Variants in NALCN observed in about 807,000 individuals in gnomAD.
The protein encoded by NALCN is sodium leak channel NALCN.
In NALCN, 111 loss-of-function variants were observed where a neutral mutation model predicts 225.3. The ratio of observed to expected loss-of-function variants is 0.49; its 90% CI spans 0.42 to 0.58. The LOEUF is 0.58. Ranked by LOEUF, NALCN falls within the 20% of genes least tolerant of loss-of-function variation. The pLI is 0.00. For missense variants in NALCN, 1,378 were observed against 2,202.4 expected (o/e 0.63, Z 7.49); for synonymous variants, 764 against 769.0 (o/e 0.99, Z 0.11).
intron 10 of NALCN, among the ~76,000 whole-genome samples, chr13:101,271,081 T>C (rs1376940509): frequency 2.0e-5 from 3 of 152,304 alleles, no homozygotes; most frequent in Admixed American, 6.5e-5. Context: ...GAATTTAGTT[T>C]GAGATAATGT....
At chr13:101,326,020 GT>G (rs1201604913) in intron 7 of NALCN, among the ~76,000 whole-genome samples, 1 of 152,026 alleles carries the variant, frequency 6.6e-6, no homozygotes, top group Non-Finnish European at 1.5e-5. Flanking sequence ...ATTTATTTTG[GT>G]TTTTGTTTCT....
chr13:101,370,261 C>T lies in NALCN; in HGVS notation c.644+6439G>A, dbSNP rs549536979. 5.9e-5 allele frequency among the ~76,000 whole-genome samples: 9 copies of T among 151,848 alleles called. No individual in the cohort carries two copies. The South Asian group carries it at 1.9e-3, about 31-fold the overall frequency. ...CCTGGTTGTGGCAAGATGGACTACA[C>T]CAAATTCAACTCCTTCCACTACAAA... On this transcript the variant is annotated intron_variant, in intron 6 of 43. Coordinates refer to ENST00000251127, the MANE Select transcript of NALCN (RefSeq NM_052867.4).
chr13:101,083,792 G>A lies in NALCN; in HGVS notation c.3502C>T (p.Leu1168=), dbSNP rs1419981722. 1 of 1,613,484 alleles carries A rather than the reference G, an allele frequency of 6.2e-7. No individual in the cohort carries two copies. Among genetic ancestry groups the A allele is most frequent in the African/African-American group, 1.3e-5 (1 of 74,912 alleles). The change falls in exon 31 of 44, where the codon CTG becomes TTG. Residue 1168 remains leucine (L), a synonymous_variant. Transcript: ENST00000251127. ...NFNENKGTAL[L]TVDQRRWEDL... ...TCCCATCTTCTCTGATCGACGGTCA[G>A]CAAAGCCGTCCCCTTAACAGACAAA... is the stretch of plus-strand genomic sequence containing the variant.
chr13:101,288,497 G>C (rs1390367563), intron 9 of NALCN, among the ~76,000 whole-genome samples: 1 of 152,074 alleles, frequency 6.6e-6, no homozygotes. Flanking sequence ...TTTAGGCATT[G>C]TATAACCCAT....
chr13:101,397,128 A>ATATATG (rs2047331272), intron 2 of NALCN, among the ~76,000 whole-genome samples: 1 of 139,342 alleles, frequency 7.2e-6, no homozygotes, highest in African/African-American at 2.7e-5. Flanking sequence ...ATACATATAT[A>ATATATG]TAATGTGTGC....
At chr13:101,158,954 G>A (rs1399130495) in intron 15 of NALCN, among the ~76,000 whole-genome samples, 3 of 152,204 alleles carry the variant, frequency 2.0e-5, no homozygotes, top group African/African-American at 7.2e-5. Flanking sequence ...TCTTTGGAAG[G>A]TGGAATCTCA....
chr13:101,277,730 T>C (rs1192034438), intron 10 of NALCN, among the ~76,000 whole-genome samples: 1 of 152,230 alleles, frequency 6.6e-6, no homozygotes, highest in Non-Finnish European at 1.5e-5. Flanking sequence ...GTTTATTTAT[T>C]TCCACACGAT....
At chr13:101,257,978 A>G (rs2042294695) in intron 11 of NALCN, among the ~76,000 whole-genome samples, 2 of 152,088 alleles carry the variant, frequency 1.3e-5, no homozygotes. Flanking sequence ...GGTGTCTTTA[A>G]TGTAGGTTGT....
chr13:101,065,422 G>A lies in NALCN; in HGVS notation c.4586C>T (p.Thr1529Ile). ...MERLHNGGDV[T>I]FHDVLSMLSY... ...CTTGTACCTCAGGACATCATGGAAGGTGACGTCGCCGCCATTGTGGAGCCT... is the reference window on the plus strand; with the variant it reads ...CTTGTACCTCAGGACATCATGGAAGATGACGTCGCCGCCATTGTGGAGCCT... The change falls in exon 40 of 44, where the codon ACC becomes ATC. Residue 1529 changes from threonine to isoleucine, a missense_variant. By Grantham distance (89) the Thr-to-Ile change is moderately conservative. Coordinates refer to ENST00000251127, the MANE Select transcript of NALCN (RefSeq NM_052867.4). The A allele has an allele frequency of 1.2e-6, 2 of 1,614,180 alleles. No individual in the cohort carries two copies. Among genetic ancestry groups the A allele is most frequent in the Non-Finnish European group, 1.7e-6 (2 of 1,180,014 alleles).
At chr13:101,346,087 C>CTCTCTATATA in intron 6 of NALCN, among the ~76,000 whole-genome samples, 110 of 70,946 alleles carry the variant, frequency 1.6e-3, no homozygotes, top group African/African-American at 2.8e-3. Context: ...CTCTCTCTCT[C>CTCTCTATATA]TATATATATA....
intron 10 of NALCN, among the ~76,000 whole-genome samples, chr13:101,268,603 C>T (rs2042674424): frequency 6.6e-6 from 1 of 152,100 alleles, no homozygotes; most frequent in South Asian, 2.1e-4. Context: ...CCATGGCAGT[C>T]ACATAGCTAT....
intron 10 of NALCN, among the ~76,000 whole-genome samples, chr13:101,279,876 T>TAAATAAATAAATAAAA (rs1165525046): frequency 6.7e-6 from 1 of 149,030 alleles, no homozygotes; most frequent in Admixed American, 6.7e-5. Context: ...AATAAATAAA[T>TAAATAAATAAATAAAA]AAAAAGAAGT....
chr13:101,249,886 C>T (rs909191199), intron 11 of NALCN, among the ~76,000 whole-genome samples: 1 of 152,006 alleles, frequency 6.6e-6, no homozygotes, highest in African/African-American at 2.4e-5. Context: ...TAGAGACCCA[C>T]ACCCGGATAA....
intron 7 of NALCN, among the ~76,000 whole-genome samples, chr13:101,325,567 C>T (rs2044920373): frequency 6.6e-6 from 1 of 152,192 alleles, no homozygotes; most frequent in Non-Finnish European, 1.5e-5. Flanking sequence ...CTTAAGCCCT[C>T]CTCAAAGGTC....
chr13:101,188,372 T>A (rs1165156005), intron 14 of NALCN, among the ~76,000 whole-genome samples: 1 of 152,100 alleles, frequency 6.6e-6, no homozygotes, highest in Non-Finnish European at 1.5e-5. Context: ...TGACCATGTA[T>A]AACTTGGCCC....
intron 15 of NALCN, among the ~76,000 whole-genome samples, chr13:101,170,596 G>C (rs1403873664): frequency 1.3e-5 from 2 of 152,166 alleles, no homozygotes; most frequent in Non-Finnish European, 2.9e-5. Flanking sequence ...TTTAACAAAA[G>C]AGAATATAAG....
intron 13 of NALCN, among the ~76,000 whole-genome samples, chr13:101,217,954 CAG>C (rs1241344596): frequency 1.3e-5 from 2 of 152,128 alleles, no homozygotes; most frequent in African/African-American, 2.4e-5. Context: ...GCTTTGGAGA[CAG>C]AGCTGAGAGA....
chr13:101,170,035 C>T (rs894421275), intron 15 of NALCN, among the ~76,000 whole-genome samples: 2 of 152,302 alleles, frequency 1.3e-5, no homozygotes, highest in East Asian at 1.9e-4. Flanking sequence ...ACCTTGCTAC[C>T]GCCCTCAATC....
chr13:101,416,584 T>C (rs532511520), upstream of NALCN: 2 of 152,264 alleles, frequency 1.3e-5, no homozygotes, highest in Non-Finnish European at 2.9e-5. Context: ...ATTATTATTT[T>C]ATTTAAATTT....
Sources: gnomAD v4.1 joint callset for allele counts (sites outside exome capture counted in the v4.1 genomes callset) on GRCh38, gnomAD v4.1.1 for gene constraint, MANE v1.5 for transcripts, NCBI Gene and HGNC (gene_info 2026-07-23, HGNC 2026-07-21) for gene names.